HPS4: variants seen among roughly 807,000 people sequenced by gnomAD.
HPS4 encodes the protein BLOC-3 complex member HPS4.
HPS4 carries 44 observed loss-of-function variants against 70.3 expected under a neutral mutation model. That is an observed-to-expected ratio of 0.63 (90% CI 0.49 to 0.80). The LOEUF (loss-of-function observed/expected upper bound fraction) is 0.80, where lower values mean the gene tolerates loss of function less well. HPS4 is among the 30% of genes least tolerant of loss of function. HPS4 has a pLI of 0.00. For missense variants in HPS4, 873 were observed against 884.4 expected (o/e 0.99, Z 0.16); for synonymous variants, 377 against 355.9 (o/e 1.06, Z -0.67).
At chr22:26,463,745 C>T (rs991090774) in intron 11 of HPS4, among the ~76,000 whole-genome samples, 172 bp downstream of exon 11, 1 of 152,234 alleles carries the variant, frequency 6.6e-6, no homozygotes, top group African/African-American at 2.4e-5. Context: ...CCACAAAAAC[C>T]CACAGAGGCA....
At chr22:26,468,468 T>C in intron 8 of HPS4, 83 bp downstream of exon 8, 1 of 1,230,300 alleles carries the variant, frequency 8.1e-7, no homozygotes, top group South Asian at 1.3e-5. Flanking sequence ...CCACGGCCTC[T>C]GCTCCTGATC....
At position 26,468,409 on chromosome 22, in the gene HPS4, T is replaced by C. The variant is rs1368854750; in HGVS notation, c.669+142A>G. ...CCAATGGCTTCACTACTGAGGAGAA[T>C]GACATTGGAGGACTTGGGGTCCTGA... On this transcript the variant is annotated intron_variant, in intron 8 of 13. Transcript: ENST00000398145. The C allele has an allele frequency of 6.8e-6, 5 of 737,058 alleles. No individual in the cohort carries two copies. In the Admixed American group the frequency reaches 1.0e-4, roughly 15 times the overall value. 45.7% of individuals were successfully genotyped at this position (737,058 alleles called of 1,614,324 possible).
At chr22:26,477,177 C>G (rs376501082) in intron 3 of HPS4, 41 bp from the exon 4 acceptor site, 3 of 1,611,990 alleles carry the variant, frequency 1.9e-6, no homozygotes, top group Non-Finnish European at 2.5e-6. Flanking sequence ...AGCTGAAATT[C>G]TTGAACTCTT....
At chr22:26,474,965 T>C (rs891129451) in intron 4 of HPS4, among the ~76,000 whole-genome samples, 6 of 152,188 alleles carry the variant, frequency 3.9e-5, no homozygotes, top group Non-Finnish European at 7.3e-5. Context: ...GGAATTCTCA[T>C]ACATTCTTGG....
intron 6 of HPS4, chr22:26,471,538 A>C: frequency 2.6e-6 from 1 of 383,770 alleles, no homozygotes; most frequent in Non-Finnish European, 5.1e-6. Flanking sequence ...CTGCTGACAC[A>C]TTAAGAAGTT....
downstream of HPS4, among the ~76,000 whole-genome samples, chr22:26,447,861 A>G (rs533163813): frequency 6.8e-4 from 103 of 152,168 alleles, no homozygotes; most frequent in African/African-American, 2.5e-3. Flanking sequence ...GCCCTTCCCC[A>G]TATCTCCCCG....
At chr22:26,480,337 A>AT (rs1408730826) in intron 2 of HPS4, among the ~76,000 whole-genome samples, 4 of 151,280 alleles carry the variant, frequency 2.6e-5, no homozygotes, top group Admixed American at 6.6e-5. Flanking sequence ...ATGCTCGGCT[A>AT]TTTTTTTTTA....
intron 13 of HPS4, among the ~76,000 whole-genome samples, chr22:26,456,956 A>G (rs1000734577): frequency 2.6e-5 from 4 of 152,200 alleles, no homozygotes; most frequent in Non-Finnish European, 4.4e-5. Flanking sequence ...TGTTCAAGCT[A>G]TGACATAATG....
chr22:26,458,521 C>T lies in HPS4; in HGVS notation c.1770G>A (p.Leu590=), dbSNP rs1228798887. 6.2e-7 allele frequency: 1 copy of T among 1,614,158 alleles called. No individual in the cohort carries two copies. Among genetic ancestry groups the T allele is most frequent in the Admixed American group, 1.7e-5 (1 of 60,024 alleles). The part of the protein sequence containing the change: ...NGLEVHLKET[L]PRDEAASTSS... Reference sequence around the variant, plus strand: ...TCGTGGAGGCTGCCTCATCCCTGGGCAGCGTCTCTTTCAGGTGGACTTCCA... The same window carrying T: ...TCGTGGAGGCTGCCTCATCCCTGGGTAGCGTCTCTTTCAGGTGGACTTCCA... Residue 590 remains leucine, a synonymous_variant, in exon 12 of 14, where the codon CTG becomes CTA. Transcript: ENST00000398145.
downstream of HPS4, among the ~76,000 whole-genome samples, chr22:26,448,869 A>AGTGG (rs2146174046): frequency 6.6e-6 from 1 of 152,264 alleles, no homozygotes; most frequent in South Asian, 2.1e-4. Flanking sequence ...GGATGCTGAG[A>AGTGG]GTGGGTCTGA....
intron 11 of HPS4, 44 bp from the exon 12 acceptor site, chr22:26,458,621 G>A: frequency 6.2e-7 from 1 of 1,611,264 alleles, no homozygotes. Flanking sequence ...GCTGACCTCA[G>A]CAAGCCTTCT....
chr22:26,452,482 C>A lies in HPS4; in HGVS notation c.*751G>T. 9.7e-6 allele frequency: 4 copies of A among 414,334 alleles called. No homozygotes were observed. Among genetic ancestry groups the A allele is most frequent in the South Asian group, 7.1e-5 (4 of 56,396 alleles). 25.7% of individuals were successfully genotyped at this position (414,334 alleles called of 1,614,324 possible). On this transcript the variant is annotated 3_prime_UTR_variant, in exon 14 of 14. Transcript: ENST00000398145. ...ACTCGCTCGAGAGGAACCAGCTGCA[C>A]GGCCCACTTGTAGTCAAAGGCAGCG...
chr22:26,480,969 CCT>C (rs2091222552), intron 2 of HPS4, among the ~76,000 whole-genome samples: 1 of 152,080 alleles, frequency 6.6e-6, no homozygotes, highest in Non-Finnish European at 1.5e-5. Flanking sequence ...TTGGCACTGT[CCT>C]CTTTCCCAAT....
intron 10 of HPS4, 59 bp from the exon 11 acceptor site, chr22:26,464,885 C>A: frequency 6.7e-7 from 1 of 1,488,800 alleles, no homozygotes; most frequent in South Asian, 1.3e-5. Context: ...GGCAAGTGCC[C>A]TTCCACAGTG....
At chr22:26,483,575 A>C in intron 1 of HPS4, 99 bp downstream of exon 1, 1 of 205,776 alleles carries the variant, frequency 4.9e-6, no homozygotes, top group Non-Finnish European at 9.7e-6. Context: ...GGACTGGGAA[A>C]TGGTGGGCGA....
At chr22:26,449,682 T>C (rs2085077097), downstream of HPS4, among the ~76,000 whole-genome samples, 1 of 152,132 alleles carries the variant, frequency 6.6e-6, no homozygotes, top group Admixed American at 6.5e-5. Context: ...CAACCTCATG[T>C]GGGGCCCCAG....
At chr22:26,466,140 T>G in intron 9 of HPS4, 86 bp downstream of exon 9, 1 of 1,612,490 alleles carries the variant, frequency 6.2e-7, no homozygotes, top group Non-Finnish European at 8.5e-7. Context: ...TGCAGATGGC[T>G]TGGTTTCCTT....
rs1055254106 is a variant in HPS4, at chr22:26,450,936, G to A, written c.*2297C>T. Among the ~76,000 whole-genome samples, 2 of 152,106 alleles carry A rather than the reference G, an allele frequency of 1.3e-5. No homozygotes were observed. Among genetic ancestry groups the A allele is most frequent in the South Asian group, 2.1e-4 (1 of 4,816 alleles). On this transcript the variant is annotated 3_prime_UTR_variant, in exon 14 of 14. Transcript: ENST00000398145. Reference sequence around the variant, plus strand: ...ATGTCTTTATTAGAACCGTGAGAACGGACTAACACACCACTATTAATCACT... The same window carrying A: ...ATGTCTTTATTAGAACCGTGAGAACAGACTAACACACCACTATTAATCACT...
At position 26,453,228 on chromosome 22, in the gene HPS4, G is replaced by A. The variant is rs373741660; in HGVS notation, c.*5C>T. 2.0e-4 allele frequency: 316 copies of A among 1,614,120 alleles called. 1 individual carries two copies. Among genetic ancestry groups the A allele is most frequent in the Middle Eastern group, 1.7e-3 (10 of 6,060 alleles). On this transcript the variant is annotated 3_prime_UTR_variant, in exon 14 of 14. Coordinates refer to ENST00000398145, the MANE Select transcript of HPS4 (RefSeq NM_022081.6). ...TCTCCTTCCCAGTCACCTCCTGGGT[G>A]CAGTTCAGAGCAAGTTCACCCCGTG...
Sources: allele counts gnomAD v4.1 joint callset (sites outside exome capture counted in the v4.1 genomes callset), GRCh38; gene constraint gnomAD v4.1.1; transcripts MANE v1.5; gene names NCBI Gene and HGNC (gene_info 2026-07-23, HGNC 2026-07-21).